Variants in AFF2 observed in about 807,000 individuals in gnomAD.
AFF2 encodes AF4/FMR2 family member 2.
In AFF2, 14 loss-of-function variants were observed where a neutral mutation model predicts 76.9. That is an observed-to-expected ratio of 0.18 (90% CI 0.12 to 0.28). The LOEUF (loss-of-function observed/expected upper bound fraction) is 0.28. Ranked by LOEUF, AFF2 falls within the 10% of genes least tolerant of loss-of-function variation. The pLI is 1.00. For synonymous variants in AFF2, 398 were observed against 366.7 expected, an observed-to-expected ratio of 1.09 and a Z score of -0.98; for missense variants, 868 against 1,001.1, an observed-to-expected ratio of 0.87 and a Z score of 1.79.
chrX:148,928,293 A>G (rs1557284018), intron 9 of AFF2, among the ~76,000 whole-genome samples: 2 of 112,468 alleles, frequency 1.8e-5, no homozygotes, highest in African/African-American at 6.5e-5. Context: ...TTGCAAACCA[A>G]TTTGTGGTTA....
intron 9 of AFF2, among the ~76,000 whole-genome samples, chrX:148,943,769 G>A (rs907133552): frequency 1.8e-5 from 2 of 112,169 alleles, no homozygotes; most frequent in Admixed American, 1.9e-4. Context: ...GAGATTTATA[G>A]AGAAGACTTC....
At chrX:148,643,316 C>T (rs1266969582) in intron 1 of AFF2, among the ~76,000 whole-genome samples, 1 of 111,517 alleles carries the variant, frequency 9.0e-6, no homozygotes, top group Non-Finnish European at 1.9e-5. Context: ...ATTCACTATC[C>T]GATTACATAT....
At chrX:148,501,290 C>A in intron 1 of AFF2, 146 bp downstream of exon 1, 1 of 745,846 alleles carries the variant, frequency 1.3e-6, no homozygotes, top group Non-Finnish European at 2.0e-6. Flanking sequence ...CTGGCCCCGG[C>A]CGCGCTGACT....
chrX:148,508,845 A>T (rs1402167359), intron 1 of AFF2, among the ~76,000 whole-genome samples: 1 of 111,288 alleles, frequency 9.0e-6, no homozygotes, highest in African/African-American at 3.3e-5. Context: ...GACGTTAATC[A>T]GGTCGTAGAA....
At chrX:148,616,119 C>T (rs1456609406) in intron 1 of AFF2, among the ~76,000 whole-genome samples, 1 of 111,518 alleles carries the variant, frequency 9.0e-6, no homozygotes, top group Non-Finnish European at 1.9e-5. Context: ...GTCTGCATCC[C>T]CTGCCCCTCC....
chrX:148,701,009 AG>A (rs1569553602), intron 3 of AFF2, among the ~76,000 whole-genome samples: 14 of 67,665 alleles, frequency 2.1e-4, no homozygotes, highest in African/African-American at 8.1e-4. Flanking sequence ...AGAGAGAGAG[AG>A]AATGTGTGTG....
chrX:148,585,836 G>A (rs1364261733), intron 1 of AFF2, among the ~76,000 whole-genome samples: 1 of 73,943 alleles, frequency 1.4e-5, no homozygotes, highest in African/African-American at 4.8e-5. Context: ...GCGAGACTGC[G>A]TCTCAAAAAA....
intron 1 of AFF2, among the ~76,000 whole-genome samples, chrX:148,560,838 G>C (rs1005596575): frequency 1.6e-4 from 18 of 110,602 alleles, no homozygotes; most frequent in East Asian, 5.7e-4. Flanking sequence ...TTTTTTTCTG[G>C]GGGGGGCACC....
At chrX:148,827,077 C>A (rs1317556265) in intron 4 of AFF2, among the ~76,000 whole-genome samples, 1 of 111,324 alleles carries the variant, frequency 9.0e-6, no homozygotes, top group African/African-American at 3.3e-5. Flanking sequence ...GCCCCTGGCA[C>A]TGTGATTCTA....
chrX:148,783,470 C>A (rs1303545527), intron 3 of AFF2, among the ~76,000 whole-genome samples: 2 of 111,681 alleles, frequency 1.8e-5, no homozygotes, highest in Non-Finnish European at 3.8e-5. Context: ...ATCTCCTTTT[C>A]CTGACTTGTA....
At chrX:148,652,613 A>G (rs782218006) in intron 2 of AFF2, among the ~76,000 whole-genome samples, 1 of 112,063 alleles carries the variant, frequency 8.9e-6, no homozygotes, top group Non-Finnish European at 1.9e-5. Context: ...TCTAGAATAA[A>G]GGAAAAAAGC....
In AFF2 at chrX:148,850,830, C is replaced by T. The variant is rs1304100508; in HGVS notation, c.1262+7397C>T. Reference sequence around the variant, plus strand: ...GTCCTCCACCTAGGGAGTGGCAGGGCTGGGACTAGAAGCCAGGATTCTGCA... The same window carrying T: ...GTCCTCCACCTAGGGAGTGGCAGGGTTGGGACTAGAAGCCAGGATTCTGCA... On this transcript the variant is annotated intron_variant, in intron 7 of 20. Transcript: ENST00000370460. Among the ~76,000 whole-genome samples, 7 of 111,686 alleles carry T rather than the reference C, an allele frequency of 6.3e-5. No homozygotes were observed. The East Asian group carries it at 1.7e-3, about 27-fold the overall frequency.
At chrX:148,980,535 T>C (rs1327664521) in intron 18 of AFF2, among the ~76,000 whole-genome samples, 1 of 111,780 alleles carries the variant, frequency 8.9e-6, no homozygotes, top group Non-Finnish European at 1.9e-5. Flanking sequence ...ATGGTCCTGA[T>C]TGGAGCCCAC....
At chrX:148,798,635 C>A (rs1295123219) in intron 3 of AFF2, among the ~76,000 whole-genome samples, 1 of 112,129 alleles carries the variant, frequency 8.9e-6, no homozygotes, top group African/African-American at 3.2e-5. Context: ...ATTATAAATG[C>A]CTGCCAGGTA....
At chrX:148,620,526 A>AT (rs1272063749) in intron 1 of AFF2, among the ~76,000 whole-genome samples, 111 of 108,013 alleles carry the variant, frequency 1.0e-3, no homozygotes, top group African/African-American at 3.4e-3. Context: ...TCAATTAAAA[A>AT]ATATATATAT....
Position 148,916,196 on chromosome X carries a change from C to CTTTTTTTTTTTTTT in AFF2, c.1397+11956_1397+11969dup, listed in dbSNP as rs782508166. ...AATAGACTTTTGAATGTGGTTTTAACTTTTTTTTTTTTTTTTTTTTTTTTT... is the reference window on the plus strand; with the variant it reads ...AATAGACTTTTGAATGTGGTTTTAACTTTTTTTTTTTTTTTTTTTTTTTTTTTTTTTTTTTTTTT... On this transcript the variant is annotated intron_variant, in intron 9 of 20. Transcript: ENST00000370460. 5.0e-4 allele frequency among the ~76,000 whole-genome samples: 17 copies of CTTTTTTTTTTTTTT among 34,038 alleles called. 2 individuals carry two copies. The highest frequency in any genetic ancestry group is 2.0e-3 in the African/African-American group (16 of 8,055). The allele number at this position is 34,038 out of a possible 115,157, so 29.6% of individuals were successfully genotyped here.
chrX:148,685,958 C>T (rs2054597649), intron 3 of AFF2, among the ~76,000 whole-genome samples: 1 of 110,377 alleles, frequency 9.1e-6, no homozygotes, highest in South Asian at 3.8e-4. Flanking sequence ...CAGACACACA[C>T]ACACACATAC....
chrX:148,530,810 A>G (rs782613711), intron 1 of AFF2, among the ~76,000 whole-genome samples: 2 of 111,862 alleles, frequency 1.8e-5, no homozygotes, highest in South Asian at 3.7e-4. Flanking sequence ...TCCTATAGGT[A>G]TGGTACCCTG....
At chrX:148,626,090 G>A (rs1170656573) in intron 1 of AFF2, among the ~76,000 whole-genome samples, 1 of 111,789 alleles carries the variant, frequency 8.9e-6, no homozygotes, top group Admixed American at 9.5e-5. Flanking sequence ...GGAAAAATTG[G>A]TGGTGCCAAG....
Sources: gnomAD v4.1 joint callset for allele counts (sites outside exome capture counted in the v4.1 genomes callset) on GRCh38, gnomAD v4.1.1 for gene constraint, MANE v1.5 for transcripts, NCBI Gene and HGNC (gene_info 2026-07-23, HGNC 2026-07-21) for gene names.